The following PTPN1 variants were observed in gnomAD, a reference collection of about 807,000 sequenced individuals.
The protein encoded by PTPN1 is protein tyrosine phosphatase non-receptor type 1, also known as tyrosine-protein phosphatase non-receptor type 1.
In PTPN1, 12 loss-of-function variants were observed where a neutral mutation model predicts 59.9. That is an observed-to-expected ratio of 0.20 (90% CI 0.13 to 0.32). The LOEUF (loss-of-function observed/expected upper bound fraction) is 0.32. Ranked by LOEUF, PTPN1 falls within the 10% of genes least tolerant of loss-of-function variation. The pLI is 1.00. For missense variants in PTPN1, 356 were observed against 549.2 expected (o/e 0.65, Z 3.52); for synonymous variants, 178 against 203.6 (o/e 0.87, Z 1.07).
Position 50,510,608 on chromosome 20 carries a change from AG to A in PTPN1, c.63+19del. On this transcript the variant is annotated intron_variant, in intron 1 of 9. Coordinates refer to ENST00000371621, the MANE Select transcript of PTPN1 (RefSeq NM_002827.4). Reference sequence around the variant, plus strand: ...TTTACCAGGTGCGGGAGCGCCCCGGAGCGTGGCGGGCCCTTCGCTTAGGCCG... The same window carrying A: ...TTTACCAGGTGCGGGAGCGCCCCGGACGTGGCGGGCCCTTCGCTTAGGCCG... 1 of 1,550,178 alleles carries A rather than the reference AG, an allele frequency of 6.5e-7. No homozygotes were observed. Among genetic ancestry groups the A allele is most frequent in the Non-Finnish European group, 8.7e-7 (1 of 1,146,290 alleles).
chr20:50,548,688 G>A (rs1196177078), intron 1 of PTPN1, among the ~76,000 whole-genome samples: 11 of 152,050 alleles, frequency 7.2e-5, no homozygotes, highest in Admixed American at 7.2e-4. Context: ...TTATAGGTGT[G>A]AACCACTGCA....
At position 50,579,428 on chromosome 20, in the gene PTPN1, C is replaced by T. The variant is rs1245280517; in HGVS notation, c.864+99C>T. 6.0e-6 allele frequency: 8 copies of T among 1,331,820 alleles called. No homozygotes were observed. In the East Asian group the frequency reaches 1.9e-4, roughly 31 times the overall value. 82.5% of individuals were successfully genotyped at this position (1,331,820 alleles called of 1,614,324 possible). The stretch of plus-strand genomic sequence containing the variant: ...TAAAAGTTCAAACACCGTCTGGTGT[C>T]AGGGGAAATAGCTACCCTTCATGTT... On this transcript the variant is annotated intron_variant, in intron 7 of 9. Coordinates refer to ENST00000371621, the MANE Select transcript of PTPN1 (RefSeq NM_002827.4).
At chr20:50,535,090 T>C (rs2082618657) in intron 1 of PTPN1, among the ~76,000 whole-genome samples, 1 of 152,182 alleles carries the variant, frequency 6.6e-6, no homozygotes, top group Non-Finnish European at 1.5e-5. Flanking sequence ...CAAGCCTTAG[T>C]TCAGGCCCTT....
Position 50,537,329 on chromosome 20 carries a change from T to A in PTPN1, c.64-24034T>A, listed in dbSNP as rs562699511. 4.6e-5 allele frequency among the ~76,000 whole-genome samples: 7 copies of A among 151,820 alleles called. No individual in the cohort carries two copies. In the East Asian group the frequency reaches 1.4e-3, roughly 29 times the overall value. ...CAAGAGCAAGACTGCATCTCAAAAA[T>A]AATAATAATAATAATAAATAAACTT... On this transcript the variant is annotated intron_variant, in intron 1 of 9. Coordinates refer to ENST00000371621, the MANE Select transcript of PTPN1 (RefSeq NM_002827.4).
chr20:50,562,840 A>G (rs1361645604), intron 2 of PTPN1, among the ~76,000 whole-genome samples: 1 of 152,224 alleles, frequency 6.6e-6, no homozygotes, highest in Non-Finnish European at 1.5e-5. Context: ...CCTCTTTGAC[A>G]TGGTGCCAGG....
intron 3 of PTPN1, among the ~76,000 whole-genome samples, chr20:50,566,433 T>G (rs1284634571): frequency 6.6e-6 from 1 of 152,124 alleles, no homozygotes; most frequent in Non-Finnish European, 1.5e-5. Context: ...CCTTGGGACA[T>G]GAGAAGCTCT....
At chr20:50,522,105 C>CT (rs752485284) in intron 1 of PTPN1, among the ~76,000 whole-genome samples, 2 of 152,312 alleles carry the variant, frequency 1.3e-5, no homozygotes, top group African/African-American at 2.4e-5. Flanking sequence ...GTGCCCTTGA[C>CT]AGTAAAGTCT....
chr20:50,510,514 C>A lies in PTPN1; in HGVS notation c.-14C>A. The A allele has an allele frequency of 1.3e-6, 2 of 1,549,036 alleles. No homozygotes were observed. The highest frequency in any genetic ancestry group is 1.7e-6 in the Non-Finnish European group (2 of 1,145,844). On this transcript the variant is annotated 5_prime_UTR_variant, in exon 1 of 10. Transcript: ENST00000371621. The stretch of plus-strand genomic sequence containing the variant: ...TGGGCCGAGAAGGAGGCGCAGCAGC[C>A]GCCCTGGCCCGTCATGGAGATGGAA...
At chr20:50,573,002 C>T (rs2082818638) in intron 4 of PTPN1, 1 of 152,240 alleles carries the variant, frequency 6.6e-6, no homozygotes, top group Non-Finnish European at 1.5e-5. Flanking sequence ...TGAGAAAGCT[C>T]TGTTGGCTTC....
At chr20:50,547,414 A>C (rs976509504) in intron 1 of PTPN1, among the ~76,000 whole-genome samples, 1 of 151,884 alleles carries the variant, frequency 6.6e-6, no homozygotes, top group East Asian at 1.9e-4. Context: ...CCCAGGCTAG[A>C]GTGCAATGGT....
Position 50,574,623 on chromosome 20 carries a change from C to T in PTPN1, c.461C>T (p.Thr154Ile). Residue 154 changes from threonine (T) to isoleucine (I), a missense_variant, in exon 5 of 10, where the codon ACA becomes ATA. Physicochemically the swap from Thr to Ile is moderately conservative, Grantham distance 89 (BLOSUM62 -1). Coordinates refer to ENST00000371621, the MANE Select transcript of PTPN1 (RefSeq NM_002827.4). ...LISEDIKSYY[T>I]VRQLELENLT... ...TCTGAAGATATCAAGTCATATTATACAGTGCGACAGCTAGAATTGGAAAAC... is the reference window on the plus strand; with the variant it reads ...TCTGAAGATATCAAGTCATATTATATAGTGCGACAGCTAGAATTGGAAAAC... 1 of 1,605,260 alleles carries T rather than the reference C, an allele frequency of 6.2e-7. No homozygotes were observed. The highest frequency in any genetic ancestry group is 8.5e-7 in the Non-Finnish European group (1 of 1,177,328).
chr20:50,557,953 G>A (rs1391367219), intron 1 of PTPN1: 1 of 152,282 alleles, frequency 6.6e-6, no homozygotes, highest in African/African-American at 2.4e-5. Flanking sequence ...TCCCACCTAA[G>A]CCTCCCGCGT....
intron 1 of PTPN1, among the ~76,000 whole-genome samples, chr20:50,533,694 C>CCCG: frequency 6.6e-6 from 1 of 152,140 alleles, no homozygotes; most frequent in East Asian, 1.9e-4. Context: ...ACCCTTGCCC[C>CCCG]CCCCCAGAAA....
chr20:50,579,217 T>C lies in PTPN1; in HGVS notation c.752T>C (p.Leu251Ser), dbSNP rs1437045880. The change falls in exon 7 of 10, where the codon TTA becomes TCA. Residue 251 changes from leucine to serine, a missense_variant. Leu to Ser is a moderately radical substitution (Grantham distance 145). This residue lies in a region of PTPN1 where 194 missense variants were observed against 344.2 expected (regional missense o/e 0.56). Coordinates refer to ENST00000371621, the MANE Select transcript of PTPN1 (RefSeq NM_002827.4). ...PSSVDIKKVL[L>S]EMRKFRMGLI... ...TCCGTTGATATCAAGAAAGTGCTGT[T>C]AGAAATGAGGAAGTTTCGGATGGGG... 1 of 1,614,234 alleles carries C rather than the reference T, an allele frequency of 6.2e-7. No individual in the cohort carries two copies. The highest frequency in any genetic ancestry group is 8.5e-7 in the Non-Finnish European group (1 of 1,180,032).
intron 6 of PTPN1, among the ~76,000 whole-genome samples, chr20:50,578,947 C>G (rs1006722243): frequency 2.6e-5 from 4 of 152,156 alleles, no homozygotes; most frequent in African/African-American, 9.7e-5. Context: ...GTCCCAGACT[C>G]TTAACCAGCT....
chr20:50,575,379 G>A (rs1234916041), intron 5 of PTPN1, among the ~76,000 whole-genome samples: 1 of 152,190 alleles, frequency 6.6e-6, no homozygotes, highest in Non-Finnish European at 1.5e-5. Context: ...GCTCATCACA[G>A]TGTCTCCGTT....
At chr20:50,532,085 A>C (rs2082603925) in intron 1 of PTPN1, among the ~76,000 whole-genome samples, 1 of 152,174 alleles carries the variant, frequency 6.6e-6, no homozygotes, top group Non-Finnish European at 1.5e-5. Flanking sequence ...TTAAGGGGAG[A>C]TCTGTAACCT....
intron 1 of PTPN1, among the ~76,000 whole-genome samples, chr20:50,544,583 A>G (rs556815773): frequency 1.3e-5 from 2 of 152,358 alleles, no homozygotes; most frequent in South Asian, 4.1e-4. Context: ...AAAAGATTAG[A>G]AGGCAAAGGA....
intron 1 of PTPN1, among the ~76,000 whole-genome samples, chr20:50,550,360 A>G (rs1027845093): frequency 6.6e-6 from 1 of 152,234 alleles, no homozygotes; most frequent in Non-Finnish European, 1.5e-5. Context: ...TCCAGTGAGT[A>G]AAAGGTACCC....
Sources: gnomAD v4.1 joint callset for allele counts (sites outside exome capture counted in the v4.1 genomes callset) on GRCh38, gnomAD v4.1.1 for gene constraint, gnomAD v4.1.1 regional missense constraint, MANE v1.5 for transcripts, NCBI Gene and HGNC (gene_info 2026-07-23, HGNC 2026-07-21) for gene names.